Variants in DCUN1D1 observed in about 807,000 individuals in gnomAD.
The protein encoded by DCUN1D1 is DCN1-like protein 1.
DCUN1D1 carries 3 observed loss-of-function variants against 39.0 expected under a neutral mutation model. The observed-to-expected ratio is 0.08, with a 90% confidence interval of 0.04 to 0.20. DCUN1D1 has a LOEUF of 0.20. Ranked by LOEUF, DCUN1D1 falls within the 10% of genes least tolerant of loss-of-function variation. DCUN1D1 has a pLI of 1.00. For synonymous variants in DCUN1D1, 82 were observed against 96.3 expected (o/e 0.85, Z 0.87); for missense variants, 158 against 302.4 (o/e 0.52, Z 3.54).
intron 4 of DCUN1D1, chr3:182,955,302 TCTTCA>T: frequency 1.8e-6 from 1 of 544,272 alleles, no homozygotes. Context: ...ATCATCACTT[TCTTCA>T]CTTCTTCTGC....
chr3:182,971,451 G>T (rs1217640016), intron 1 of DCUN1D1, among the ~76,000 whole-genome samples: 1 of 151,748 alleles, frequency 6.6e-6, no homozygotes, highest in Non-Finnish European at 1.5e-5. Flanking sequence ...TGCATTCCTG[G>T]AGTCCTAGCT....
chr3:182,952,414 C>A (rs1438531103), intron 4 of DCUN1D1, among the ~76,000 whole-genome samples: 2 of 152,150 alleles, frequency 1.3e-5, no homozygotes, highest in East Asian at 3.8e-4. Context: ...TCAACCGCCC[C>A]TAACAGCTCC....
intron 4 of DCUN1D1, chr3:182,955,759 T>C: frequency 3.3e-6 from 1 of 304,306 alleles, no homozygotes; most frequent in Non-Finnish European, 6.5e-6. Flanking sequence ...TTTTGTATTT[T>C]TAGTAGAAAC....
At chr3:182,985,145 C>G (rs1011918748), upstream of DCUN1D1, among the ~76,000 whole-genome samples, 8 of 152,268 alleles carry the variant, frequency 5.3e-5, no homozygotes, top group Non-Finnish European at 1.0e-4. Flanking sequence ...GTAAAGCAGA[C>G]AGGACTAGGC....
chr3:182,978,311 T>C (rs1299042261), intron 1 of DCUN1D1, among the ~76,000 whole-genome samples: 1 of 152,214 alleles, frequency 6.6e-6, no homozygotes, highest in Non-Finnish European at 1.5e-5. Context: ...GATAACTTTA[T>C]AATGAAACAA....
rs1022156381 is a variant in DCUN1D1 at position 182,940,550 on chromosome 3, T to A, written c.*4544A>T. ...GAGGTAACAGTCCCTCTAAAGCCAA[T>A]CATTAAAAAAAATTTTTTTAACTGA... On this transcript the variant is annotated 3_prime_UTR_variant, in exon 7 of 7. Transcript: ENST00000292782. The A allele has an allele frequency of 2.0e-5, 3 of 152,084 alleles. No individual in the cohort carries two copies. The highest frequency in any genetic ancestry group is 2.9e-5 in the Non-Finnish European group (2 of 68,010). 9.4% of individuals were successfully genotyped at this position (152,084 alleles called of 1,614,324 possible). A position where few individuals can be genotyped will look rare whatever the true frequency, so the allele number is the denominator to read the frequency against.
chr3:182,964,338 A>G (rs1361190523), intron 2 of DCUN1D1, among the ~76,000 whole-genome samples: 2 of 152,222 alleles, frequency 1.3e-5, no homozygotes, highest in South Asian at 2.1e-4. Flanking sequence ...AGACATTCGT[A>G]TATAGGGACA....
At chr3:182,956,246 C>A (rs1293498846) in intron 4 of DCUN1D1, 1 of 287,602 alleles carries the variant, frequency 3.5e-6, no homozygotes, top group Non-Finnish European at 7.0e-6. Context: ...ATTTTTGAAG[C>A]TAAATATATT....
intron 4 of DCUN1D1, among the ~76,000 whole-genome samples, chr3:182,958,677 C>A (rs1322216417): frequency 6.6e-6 from 1 of 152,118 alleles, no homozygotes; most frequent in Non-Finnish European, 1.5e-5. Context: ...TACATTTTTT[C>A]TTAAGCACAA....
intron 1 of DCUN1D1, among the ~76,000 whole-genome samples, chr3:182,969,067 T>C (rs1727809108): frequency 6.6e-6 from 1 of 152,202 alleles, no homozygotes; most frequent in Non-Finnish European, 1.5e-5. Context: ...CAAGTGATAT[T>C]GACAATCCCA....
chr3:182,955,375 CTTTA>C (rs1726986989), intron 4 of DCUN1D1: 7 of 538,566 alleles, frequency 1.3e-5, no homozygotes, highest in South Asian at 9.9e-5. Flanking sequence ...TTTCCTGGTT[CTTTA>C]TTGAACAGAA....
At chr3:182,952,825 T>C (rs893138750) in intron 4 of DCUN1D1, among the ~76,000 whole-genome samples, 1 of 152,210 alleles carries the variant, frequency 6.6e-6, no homozygotes, top group Non-Finnish European at 1.5e-5. Flanking sequence ...AGGCTTATGT[T>C]AGGATATTCC....
intron 4 of DCUN1D1, among the ~76,000 whole-genome samples, chr3:182,951,649 A>C (rs373288436): frequency 1.6e-4 from 18 of 114,014 alleles, no homozygotes; most frequent in Middle Eastern, 4.4e-3. Flanking sequence ...AAAAAAAACC[A>C]CCACACACAA....
At chr3:182,971,299 C>T (rs1416399638) in intron 1 of DCUN1D1, among the ~76,000 whole-genome samples, 1 of 152,092 alleles carries the variant, frequency 6.6e-6, no homozygotes, top group East Asian at 1.9e-4. Flanking sequence ...GTGGTGGGCT[C>T]ATGGCTTGTA....
At chr3:182,974,816 A>T (rs1728137409) in intron 1 of DCUN1D1, among the ~76,000 whole-genome samples, 1 of 151,652 alleles carries the variant, frequency 6.6e-6, no homozygotes, top group African/African-American at 2.4e-5. Context: ...AATCACTCTC[A>T]GTGACTAGGT....
At chr3:182,958,829 T>A (rs1487894546) in intron 4 of DCUN1D1, among the ~76,000 whole-genome samples, 1 of 152,176 alleles carries the variant, frequency 6.6e-6, no homozygotes, top group Non-Finnish European at 1.5e-5. Flanking sequence ...TTAATTTTGC[T>A]CAATTCTTAC....
chr3:182,980,466 CG>C lies in DCUN1D1; in HGVS notation c.3+20del. 1.7e-6 allele frequency: 2 copies of C among 1,167,316 alleles called. No homozygotes were observed. Among genetic ancestry groups the C allele is most frequent in the Non-Finnish European group, 1.1e-6 (1 of 935,412 alleles). 72.3% of individuals were successfully genotyped at this position (1,167,316 alleles called of 1,614,324 possible). Reference sequence around the variant, plus strand: ...GCCGGCCCCCAGCCGGCAGGGCGGGCGGGCGGCCGCAGTGCCTCACCATGTT... The same window carrying C: ...GCCGGCCCCCAGCCGGCAGGGCGGGCGGCGGCCGCAGTGCCTCACCATGTT... On this transcript the variant is annotated intron_variant, in intron 1 of 6. Transcript: ENST00000292782.
rs200820511 is a variant in DCUN1D1 at position 182,947,692 on chromosome 3, TAACA to T, written c.521-64_521-61del. The T allele has an allele frequency of 2.3e-3, 2,337 of 1,032,866 alleles. 22 individuals are homozygous for T. In the African/African-American group the frequency reaches 0.024, roughly 10 times the overall value. The allele number at this position is 1,032,866 out of a possible 1,614,324, so 64.0% of individuals were successfully genotyped here. On this transcript the variant is annotated intron_variant, in intron 4 of 6. Coordinates refer to ENST00000292782, the MANE Select transcript of DCUN1D1 (RefSeq NM_020640.4). ...CTATAAATATTTGTCCCTGCAAAAA[TAACA>T]AACAAACAAAAAAACAGGTATGACC... is the stretch of plus-strand genomic sequence containing the variant.
At position 182,961,190 on chromosome 3, in the gene DCUN1D1, T is replaced by C. The variant is rs373395712; in HGVS notation, c.520+36A>G. ...GACACTGTCAATGTATTTGAATATA[T>C]CTGAAACACCAAATATAATTTTTAA... is the stretch of plus-strand genomic sequence containing the variant. On this transcript the variant is annotated intron_variant, in intron 4 of 6. Coordinates refer to ENST00000292782, the MANE Select transcript of DCUN1D1 (RefSeq NM_020640.4). 1.9e-5 allele frequency: 27 copies of C among 1,386,762 alleles called. No individual in the cohort carries two copies. The South Asian group carries it at 3.2e-4, about 17-fold the overall frequency. 85.9% of individuals were successfully genotyped at this position (1,386,762 alleles called of 1,614,324 possible). A position where few individuals can be genotyped will look rare whatever the true frequency, so the allele number is the denominator to read the frequency against.
Sources: gnomAD v4.1 joint callset for allele counts (sites outside exome capture counted in the v4.1 genomes callset) on GRCh38, gnomAD v4.1.1 for gene constraint, MANE v1.5 for transcripts, NCBI Gene and HGNC (gene_info 2026-07-23, HGNC 2026-07-21) for gene names.